KCNQ3: variants seen among roughly 807,000 people sequenced by gnomAD.
KCNQ3 encodes the protein potassium voltage-gated channel subfamily Q member 3.
A neutral mutation model predicts 92.5 loss-of-function variants in KCNQ3; 30 were observed. The observed-to-expected ratio is 0.32, with a 90% confidence interval of 0.24 to 0.44. KCNQ3 has a LOEUF of 0.44. KCNQ3 is among the 20% of genes least tolerant of loss of function. The pLI is 1.00. For missense variants in KCNQ3, 913 were observed against 1,140.3 expected, an observed-to-expected ratio of 0.80 and a Z score of 2.87; for synonymous variants, 450 against 468.8, an observed-to-expected ratio of 0.96 and a Z score of 0.52.
At chr8:132,274,099 G>C (rs1293635401) in intron 1 of KCNQ3, among the ~76,000 whole-genome samples, 1 of 152,112 alleles carries the variant, frequency 6.6e-6, no homozygotes, top group African/African-American at 2.4e-5. Flanking sequence ...CACTCTACTG[G>C]TGGGCTATCA....
rs955458469 is a variant in KCNQ3 at position 132,124,522 on chromosome 8, T to G, written c.*4740A>C. The G allele has an allele frequency of 3.4e-5, 5 of 145,836 alleles. No individual in the cohort carries two copies. The highest frequency in any genetic ancestry group is 2.1e-4 in the Admixed American group (3 of 14,606). 9.0% of individuals were successfully genotyped at this position (145,836 alleles called of 1,614,324 possible). ...GGTCATCTCTGTATGATTCCTCTTT[T>G]ACACTGCCATTACTGGCTTCTAAAA... On this transcript the variant is annotated 3_prime_UTR_variant, in exon 15 of 15. Transcript: ENST00000388996.
intron 1 of KCNQ3, among the ~76,000 whole-genome samples, chr8:132,375,989 G>C (rs1819596629): frequency 6.6e-6 from 1 of 152,100 alleles, no homozygotes. Context: ...AGGGCAGGGG[G>C]GTGTCTTATT....
intron 1 of KCNQ3, among the ~76,000 whole-genome samples, chr8:132,274,747 G>T (rs1343900051): frequency 6.6e-6 from 1 of 152,198 alleles, no homozygotes; most frequent in Non-Finnish European, 1.5e-5. Flanking sequence ...AGTGAAAATT[G>T]TGAAGTTCCC....
intron 1 of KCNQ3, among the ~76,000 whole-genome samples, chr8:132,368,560 G>A (rs1819385402): frequency 6.6e-6 from 1 of 152,054 alleles, no homozygotes; most frequent in Non-Finnish European, 1.5e-5. Flanking sequence ...GGCTGAAGTG[G>A]GAGGATCACT....
intron 3 of KCNQ3, among the ~76,000 whole-genome samples, chr8:132,182,060 C>T (rs1826799604): frequency 7.0e-6 from 1 of 143,740 alleles, no homozygotes; most frequent in African/African-American, 2.6e-5. Context: ...AAAAAAAAAC[C>T]ATAAAAAACA....
At chr8:132,390,293 A>G (rs1260610340) in intron 1 of KCNQ3, among the ~76,000 whole-genome samples, 1 of 152,208 alleles carries the variant, frequency 6.6e-6, no homozygotes, top group Non-Finnish European at 1.5e-5. Flanking sequence ...TAAAAGTCAG[A>G]ATAGAGATTG....
At chr8:132,441,541 G>A (rs1294683713) in intron 1 of KCNQ3, among the ~76,000 whole-genome samples, 3 of 152,062 alleles carry the variant, frequency 2.0e-5, no homozygotes, top group South Asian at 2.1e-4. Flanking sequence ...GCGATAGAGC[G>A]AGACTCTGGC....
intron 1 of KCNQ3, among the ~76,000 whole-genome samples, chr8:132,420,353 TC>T (rs2130809594): frequency 6.6e-6 from 1 of 152,252 alleles, no homozygotes; most frequent in East Asian, 1.9e-4. Flanking sequence ...GGTGGGTAAG[TC>T]CCGATGTGCC....
chr8:132,359,033 T>C (rs1246688224), intron 1 of KCNQ3, among the ~76,000 whole-genome samples: 1 of 152,144 alleles, frequency 6.6e-6, no homozygotes, highest in Non-Finnish European at 1.5e-5. Flanking sequence ...GCATTAACAC[T>C]CATTATGCTT....
intron 1 of KCNQ3, among the ~76,000 whole-genome samples, chr8:132,280,889 C>A (rs1756977725): frequency 6.6e-6 from 1 of 152,220 alleles, no homozygotes; most frequent in Non-Finnish European, 1.5e-5. Context: ...GAGAGCTACA[C>A]TGGGGCTTGT....
intron 1 of KCNQ3, among the ~76,000 whole-genome samples, chr8:132,250,665 T>G (rs557034858): frequency 5.9e-5 from 9 of 152,210 alleles, no homozygotes; most frequent in African/African-American, 2.2e-4. Context: ...GTGGACCATT[T>G]CTCTATTTCC....
chr8:132,298,167 C>T (rs1214857694), intron 1 of KCNQ3, among the ~76,000 whole-genome samples: 5 of 152,184 alleles, frequency 3.3e-5, no homozygotes, highest in East Asian at 3.9e-4. Flanking sequence ...AATCAACCAT[C>T]CCAGTTTGCC....
At position 132,170,255 on chromosome 8, in the gene KCNQ3, G is replaced by A. The variant is rs181158835; in HGVS notation, c.1235+79C>T. ...CCTGAAGAGTGTTCTCCAGGGACCC[G>A]TGAGGCCACAGACACGAATACAGAC... On this transcript the variant is annotated intron_variant, in intron 8 of 14. Coordinates refer to ENST00000388996, the MANE Select transcript of KCNQ3 (RefSeq NM_004519.4). 1.4e-4 allele frequency: 144 copies of A among 1,024,226 alleles called. 2 individuals carry two copies. The highest frequency in any genetic ancestry group is 9.6e-4 in the South Asian group (75 of 78,160). 63.4% of individuals were successfully genotyped at this position (1,024,226 alleles called of 1,614,324 possible). A position where few individuals can be genotyped will look rare whatever the true frequency, so the allele number is the denominator to read the frequency against.
intron 1 of KCNQ3, among the ~76,000 whole-genome samples, chr8:132,362,238 A>T (rs915085918): frequency 3.3e-5 from 5 of 152,216 alleles, no homozygotes; most frequent in Non-Finnish European, 7.3e-5. Flanking sequence ...ACTTAAAAAA[A>T]ACTCAAAATG....
intron 4 of KCNQ3, among the ~76,000 whole-genome samples, chr8:132,176,259 G>C (rs1826549382): frequency 6.6e-6 from 1 of 152,164 alleles, no homozygotes; most frequent in Admixed American, 6.5e-5. Flanking sequence ...TAGGACATAT[G>C]ACTAAGTAAA....
intron 9 of KCNQ3, among the ~76,000 whole-genome samples, chr8:132,158,790 G>A (rs1425070816): frequency 6.6e-6 from 1 of 152,330 alleles, no homozygotes; most frequent in Non-Finnish European, 1.5e-5. Flanking sequence ...CGGGGAAGCA[G>A]TCAGCATTCT....
chr8:132,211,120 T>C (rs1049250817), intron 1 of KCNQ3, among the ~76,000 whole-genome samples: 15 of 152,332 alleles, frequency 9.8e-5, no homozygotes, highest in African/African-American at 3.4e-4. Context: ...AATCTTGCCA[T>C]GTGGCCAGCT....
intron 1 of KCNQ3, among the ~76,000 whole-genome samples, chr8:132,395,109 T>A (rs1333043056): frequency 1.3e-5 from 2 of 152,242 alleles, no homozygotes; most frequent in Non-Finnish European, 2.9e-5. Context: ...AAAAATTTAA[T>A]GTAATTTAAT....
Position 132,480,499 on chromosome 8 carries a change from C to A in KCNQ3, c.34G>T (p.Ala12Ser), listed in dbSNP as rs1352880493. ...GLKARRAAGA[A>S]GGGGDGGGGG... ...CCGCCCCCGTCGCCGCCGCCGCCAGCCGCCCCCGCCGCCCTGCGCGCCTTG... is the reference window on the plus strand; with the variant it reads ...CCGCCCCCGTCGCCGCCGCCGCCAGACGCCCCCGCCGCCCTGCGCGCCTTG... The change falls in exon 1 of 15, where the codon GCT becomes TCT. Residue 12 changes from alanine to serine, a missense_variant. Physicochemically the swap from Ala to Ser is moderately conservative, Grantham distance 99. Coordinates refer to ENST00000388996, the MANE Select transcript of KCNQ3 (RefSeq NM_004519.4). The A allele has an allele frequency of 2.1e-5, 24 of 1,137,434 alleles. No homozygotes were observed. The highest frequency in any genetic ancestry group is 4.9e-5 in the Admixed American group (1 of 20,306). 70.5% of individuals were successfully genotyped at this position (1,137,434 alleles called of 1,614,324 possible).
Sources: allele counts gnomAD v4.1 joint callset (sites outside exome capture counted in the v4.1 genomes callset), GRCh38; gene constraint gnomAD v4.1.1; transcripts MANE v1.5; gene names NCBI Gene and HGNC (gene_info 2026-07-23, HGNC 2026-07-21).